MIPEP: variants seen among roughly 807,000 people sequenced by gnomAD.
MIPEP encodes the protein mitochondrial intermediate peptidase.
A neutral mutation model predicts 90.3 loss-of-function variants in MIPEP; 79 were observed. The ratio of observed to expected loss-of-function variants is 0.87; its 90% confidence interval spans 0.73 to 1.05. MIPEP has a LOEUF of 1.05. Ranked by LOEUF, MIPEP falls within the 50% of genes least tolerant of loss-of-function variation. MIPEP has a pLI of 0.00. For synonymous variants in MIPEP, 334 were observed against 315.8 expected (o/e 1.06, Z -0.61); for missense variants, 940 against 905.6 (o/e 1.04, Z -0.49).
At chr13:23,731,641 CAA>C (rs1354627819) in intron 18 of MIPEP, among the ~76,000 whole-genome samples, 1 of 152,012 alleles carries the variant, frequency 6.6e-6, no homozygotes, top group Non-Finnish European at 1.5e-5. Flanking sequence ...TAGATTTCAT[CAA>C]AATTTAAAAT....
At chr13:23,796,185 G>A (rs1017397059) in intron 16 of MIPEP, among the ~76,000 whole-genome samples, 11 of 152,082 alleles carry the variant, frequency 7.2e-5, no homozygotes, top group African/African-American at 2.4e-4. Context: ...TTGGGAGGCC[G>A]AGGTGGGCGG....
At chr13:23,765,543 T>C (rs568716955) in intron 16 of MIPEP, among the ~76,000 whole-genome samples, 1 of 152,330 alleles carries the variant, frequency 6.6e-6, no homozygotes, top group East Asian at 1.9e-4. Context: ...CCTTGAAACA[T>C]ATCCCTTGAG....
intron 9 of MIPEP, among the ~76,000 whole-genome samples, chr13:23,859,772 A>G (rs1486639354): frequency 6.6e-6 from 1 of 152,208 alleles, no homozygotes; most frequent in Non-Finnish European, 1.5e-5. Context: ...TCTGGCATTG[A>G]GTAAGGGCTC....
At chr13:23,869,764 A>G (rs1313178931) in intron 6 of MIPEP, among the ~76,000 whole-genome samples, 1 of 152,238 alleles carries the variant, frequency 6.6e-6, no homozygotes, top group Non-Finnish European at 1.5e-5. Context: ...TCTGTAGTCT[A>G]GAATGTCAGT....
rs184555095 is a variant in MIPEP, at chr13:23,732,227, G to C, written c.2045-1782C>G. Among the ~76,000 whole-genome samples the C allele has an allele frequency of 1.0e-3, 152 of 152,070 alleles. 1 individual carries two copies. The highest frequency in any genetic ancestry group is 3.3e-3 in the African/African-American group (138 of 41,476). On this transcript the variant is annotated intron_variant, in intron 18 of 18. Coordinates refer to ENST00000382172, the MANE Select transcript of MIPEP (RefSeq NM_005932.4). The stretch of plus-strand genomic sequence containing the variant: ...TGGTCTTGAACTTCTGGGCTCAAGC[G>C]ATCCTCCTGCCTTGGCCTCTCAAAG...
rs114147896 is a variant in MIPEP, at chr13:23,809,927, T to C, written c.1654-3A>G. 1.6e-3 allele frequency: 2,556 copies of C among 1,608,538 alleles called. 37 individuals carry two copies. In the African/African-American group the frequency reaches 0.031, roughly 20 times the overall value. On this transcript the variant is annotated splice_polypyrimidine_tract_variant and splice_region_variant and intron_variant, in intron 14 of 18. Coordinates refer to ENST00000382172, the MANE Select transcript of MIPEP (RefSeq NM_005932.4). ...GACACCATATTTTTTGGCAGTGGCTTGATAAAACAAAAGAATATATATGTG... is the reference window on the plus strand; with the variant it reads ...GACACCATATTTTTTGGCAGTGGCTCGATAAAACAAAAGAATATATATGTG...
At chr13:23,875,002 G>C in intron 4 of MIPEP, 93 bp from the exon 5 acceptor site, 2 of 897,978 alleles carry the variant, frequency 2.2e-6, no homozygotes, top group South Asian at 1.7e-5. Context: ...GTCTTTTTCA[G>C]CCTCACTGCC....
At chr13:23,813,002 T>C (rs777827186) in intron 14 of MIPEP, among the ~76,000 whole-genome samples, 16 of 152,188 alleles carry the variant, frequency 1.1e-4, no homozygotes, top group Non-Finnish European at 4.4e-5. Flanking sequence ...GTAAATGTTC[T>C]TTTTAAAAAA....
chr13:23,766,613 T>A lies in MIPEP; in HGVS notation c.1849-6396A>T, dbSNP rs115696066. Among the ~76,000 whole-genome samples the A allele has an allele frequency of 1.5e-3, 223 of 152,354 alleles. 1 individual carries two copies. Among genetic ancestry groups the A allele is most frequent in the African/African-American group, 5.1e-3 (213 of 41,582 alleles). The stretch of plus-strand genomic sequence containing the variant: ...CTCACTCTCTCAATGTGTGGGCATG[T>A]TCCATGCATCACTGGAGACTAGTGC... On this transcript the variant is annotated intron_variant, in intron 16 of 18. Transcript: ENST00000382172.
intron 10 of MIPEP, among the ~76,000 whole-genome samples, chr13:23,841,959 T>C (rs1259494023): frequency 6.6e-6 from 1 of 152,188 alleles, no homozygotes; most frequent in East Asian, 1.9e-4. Context: ...TCCAGTAAAA[T>C]ATTCATTTAT....
chr13:23,866,244 T>A (rs1870527102), intron 7 of MIPEP, among the ~76,000 whole-genome samples: 2 of 152,174 alleles, frequency 1.3e-5, no homozygotes, highest in South Asian at 4.1e-4. Context: ...TTGTCTGTAC[T>A]ACTCCATCGA....
chr13:23,889,342 T>C lies in MIPEP; in HGVS notation c.-22A>G, dbSNP rs1409048385. ...GCATTCTAGCACCAGAGCAGTCCCT[T>C]CCTCCAACGCAGATCCCTGCCCTGC... On this transcript the variant is annotated 5_prime_UTR_variant, in exon 1 of 19. Transcript: ENST00000382172. 7.7e-7 allele frequency: 1 copy of C among 1,306,108 alleles called. No homozygotes were observed. The highest frequency in any genetic ancestry group is 9.7e-7 in the Non-Finnish European group (1 of 1,026,610). 80.9% of individuals were successfully genotyped at this position (1,306,108 alleles called of 1,614,324 possible).
intron 14 of MIPEP, among the ~76,000 whole-genome samples, chr13:23,827,201 G>T (rs1188438798): frequency 6.6e-6 from 1 of 152,026 alleles, no homozygotes; most frequent in African/African-American, 2.4e-5. Context: ...ACAAAATTCT[G>T]CCAAGATTAA....
chr13:23,870,708 G>A (rs1047198323), intron 5 of MIPEP, among the ~76,000 whole-genome samples: 3 of 152,104 alleles, frequency 2.0e-5, no homozygotes, highest in Non-Finnish European at 2.9e-5. Flanking sequence ...AAGAGGCTGA[G>A]GCACGAGAAT....
At chr13:23,794,195 G>A (rs779738352) in intron 16 of MIPEP, among the ~76,000 whole-genome samples, 2 of 152,064 alleles carry the variant, frequency 1.3e-5, no homozygotes, top group East Asian at 1.9e-4. Flanking sequence ...ATGTTGAACC[G>A]AGGTAATTCA....
chr13:23,846,290 TGGGG>T (rs1869535172), intron 10 of MIPEP, among the ~76,000 whole-genome samples: 1 of 152,026 alleles, frequency 6.6e-6, no homozygotes. Flanking sequence ...ATGCATACAA[TGGGG>T]GAATAGCTGC....
intron 18 of MIPEP, among the ~76,000 whole-genome samples, chr13:23,731,876 G>A (rs1189265471): frequency 2.0e-5 from 3 of 151,362 alleles, no homozygotes; most frequent in Non-Finnish European, 4.4e-5. Flanking sequence ...ACAACTAATA[G>A]GCACTGAGAA....
intron 7 of MIPEP, among the ~76,000 whole-genome samples, chr13:23,864,931 T>C (rs1870467897): frequency 6.6e-6 from 1 of 152,132 alleles, no homozygotes; most frequent in Non-Finnish European, 1.5e-5. Context: ...CTGAAATAAA[T>C]TTTTTAAGAT....
chr13:23,849,401 T>A (rs977847167), intron 10 of MIPEP, among the ~76,000 whole-genome samples: 2 of 152,224 alleles, frequency 1.3e-5, no homozygotes, highest in African/African-American at 4.8e-5. Flanking sequence ...TACAAGAATT[T>A]TATGACTATT....
Sources: allele counts gnomAD v4.1 joint callset (sites outside exome capture counted in the v4.1 genomes callset), GRCh38; gene constraint gnomAD v4.1.1; transcripts MANE v1.5; gene names NCBI Gene and HGNC (gene_info 2026-07-23, HGNC 2026-07-21).